BAZ1A: variants seen among roughly 807,000 people sequenced by gnomAD.
The protein encoded by BAZ1A is bromodomain adjacent to zinc finger domain protein 1A.
BAZ1A carries 50 observed loss-of-function variants against 185.2 expected under a neutral mutation model. The ratio of observed to expected loss-of-function variants is 0.27; its 90% CI spans 0.22 to 0.34. BAZ1A has a LOEUF of 0.34. Ranked by LOEUF, BAZ1A falls within the 10% of genes least tolerant of loss-of-function variation. BAZ1A has a pLI of 1.00. For missense variants in BAZ1A, 1,356 were observed against 1,839.9 expected, an observed-to-expected ratio of 0.74 and a Z score of 4.81; for synonymous variants, 571 against 615.6, an observed-to-expected ratio of 0.93 and a Z score of 1.07.
rs1200686565 is a variant in BAZ1A, at chr14:34,753,350, T to C, written c.*158A>G. 1 of 696,066 alleles carries C rather than the reference T, an allele frequency of 1.4e-6. No individual in the cohort carries two copies. Among genetic ancestry groups the C allele is most frequent in the Non-Finnish European group, 2.4e-6 (1 of 423,618 alleles). The allele number at this position is 696,066 out of a possible 1,614,324, so 43.1% of individuals were successfully genotyped here. A position where few individuals can be genotyped will look rare whatever the true frequency, so the allele number is the denominator to read the frequency against. ...AAACTGTAGCAAAGGATATCTTTCCTACATTCTCCTGAGTGCTTAATATTA... is the reference window on the plus strand; with the variant it reads ...AAACTGTAGCAAAGGATATCTTTCCCACATTCTCCTGAGTGCTTAATATTA... On this transcript the variant is annotated 3_prime_UTR_variant, in exon 27 of 27. Coordinates refer to ENST00000360310, the MANE Select transcript of BAZ1A (RefSeq NM_013448.3).
intron 3 of BAZ1A, among the ~76,000 whole-genome samples, chr14:34,850,134 C>T (rs562882231): frequency 1.3e-5 from 2 of 152,096 alleles, no homozygotes; most frequent in East Asian, 3.9e-4. Context: ...AATCCCAGCA[C>T]TTTGGGAGGC....
intron 3 of BAZ1A, among the ~76,000 whole-genome samples, chr14:34,838,533 T>TA (rs1438747589): frequency 6.6e-6 from 1 of 151,886 alleles, no homozygotes; most frequent in Non-Finnish European, 1.5e-5. Context: ...TTTTCTTTTT[T>TA]TTTTTGGAGA....
At chr14:34,758,499 G>C in intron 25 of BAZ1A, 1 of 447,842 alleles carries the variant, frequency 2.2e-6, no homozygotes, top group Non-Finnish European at 4.0e-6. Flanking sequence ...AGAATCGCTT[G>C]AACCTGGGAG....
chr14:34,847,664 TTA>T (rs2138780142), intron 3 of BAZ1A, among the ~76,000 whole-genome samples: 1 of 152,358 alleles, frequency 6.6e-6, no homozygotes, highest in Non-Finnish European at 1.5e-5. Flanking sequence ...CTTGAATCTT[TTA>T]TGTTCATCTT....
chr14:34,755,483 G>A (rs1886200331), intron 25 of BAZ1A, among the ~76,000 whole-genome samples: 1 of 151,966 alleles, frequency 6.6e-6, no homozygotes, highest in East Asian at 1.9e-4. Context: ...TCATTTCTGG[G>A]TGTCTACCGT....
At chr14:34,789,589 A>C (rs1201800028) in intron 12 of BAZ1A, among the ~76,000 whole-genome samples, 1 of 152,194 alleles carries the variant, frequency 6.6e-6, no homozygotes, top group Non-Finnish European at 1.5e-5. Context: ...TGATCCAACA[A>C]ATACACAAAA....
chr14:34,856,726 CG>C (rs1041175417), intron 3 of BAZ1A, among the ~76,000 whole-genome samples: 7 of 151,252 alleles, frequency 4.6e-5, no homozygotes, highest in Non-Finnish European at 1.5e-5. Context: ...GGTGTGGTGG[CG>C]GGCGCCTGTA....
intron 21 of BAZ1A, among the ~76,000 whole-genome samples, chr14:34,769,379 A>G (rs1236864397): frequency 6.6e-6 from 1 of 152,166 alleles, no homozygotes; most frequent in Non-Finnish European, 1.5e-5. Context: ...CCAAAGTAAC[A>G]AACTTTTCTT....
At chr14:34,792,706 T>C in intron 12 of BAZ1A, 69 bp downstream of exon 12, 1 of 1,544,032 alleles carries the variant, frequency 6.5e-7, no homozygotes. Flanking sequence ...TAACTTAAAA[T>C]TGGCCCTCAA....
chr14:34,840,909 T>C (rs2042404812), intron 3 of BAZ1A, among the ~76,000 whole-genome samples: 1 of 152,184 alleles, frequency 6.6e-6, no homozygotes, highest in Non-Finnish European at 1.5e-5. Context: ...TTTTCTTTTG[T>C]TTGTTTAACC....
rs944180795 is a variant in BAZ1A, at chr14:34,843,387, G to A, written c.393-17231C>T. ...TGCACTTTGGGGCTTGCTCTCTCTCGCTGCTGGGATCTTTCTACCATCTTG... is the reference window on the plus strand; with the variant it reads ...TGCACTTTGGGGCTTGCTCTCTCTCACTGCTGGGATCTTTCTACCATCTTG... On this transcript the variant is annotated intron_variant, in intron 3 of 26. Transcript: ENST00000360310. Among the ~76,000 whole-genome samples, 4 of 152,128 alleles carry A rather than the reference G, an allele frequency of 2.6e-5. No homozygotes were observed. In the East Asian group the frequency reaches 5.8e-4, roughly 22 times the overall value.
chr14:34,753,384 A>AAT lies in BAZ1A; in HGVS notation c.*122_*123dup, dbSNP rs1254359930. On this transcript the variant is annotated 3_prime_UTR_variant, in exon 27 of 27. Coordinates refer to ENST00000360310, the MANE Select transcript of BAZ1A (RefSeq NM_013448.3). The stretch of plus-strand genomic sequence containing the variant: ...CTGAGTGCTTAATATTAAAATTGAG[A>AAT]ATATAGTGCAGGCCACACTTTCATG... 2.2e-6 allele frequency: 2 copies of AAT among 904,212 alleles called. No homozygotes were observed. Among genetic ancestry groups the AAT allele is most frequent in the Non-Finnish European group, 3.4e-6 (2 of 595,052 alleles). The allele number at this position is 904,212 out of a possible 1,614,324, so 56.0% of individuals were successfully genotyped here.
chr14:34,843,972 G>A (rs905068636), intron 3 of BAZ1A, among the ~76,000 whole-genome samples: 8 of 151,920 alleles, frequency 5.3e-5, no homozygotes, highest in African/African-American at 1.5e-4. Context: ...TTGGGAGGCC[G>A]AGGCGGGCGG....
chr14:34,853,865 A>G (rs1299070594), intron 3 of BAZ1A, among the ~76,000 whole-genome samples: 1 of 152,194 alleles, frequency 6.6e-6, no homozygotes, highest in Non-Finnish European at 1.5e-5. Context: ...AGATCTGAGT[A>G]CCTATACCAA....
Position 34,805,268 on chromosome 14 carries a change from C to T in BAZ1A, c.726+2183G>A, listed in dbSNP as rs149653903. 2.5e-4 allele frequency among the ~76,000 whole-genome samples: 38 copies of T among 152,326 alleles called. No individual in the cohort carries two copies. In the South Asian group the frequency reaches 3.7e-3, roughly 15 times the overall value. ...ATAGCAGTGTGAGAATGGATTAATACACCAGCATATCCATTAATAATCTTC... is the reference window on the plus strand; with the variant it reads ...ATAGCAGTGTGAGAATGGATTAATATACCAGCATATCCATTAATAATCTTC... On this transcript the variant is annotated intron_variant, in intron 6 of 26. Coordinates refer to ENST00000360310, the MANE Select transcript of BAZ1A (RefSeq NM_013448.3).
At position 34,874,713 on chromosome 14, in the gene BAZ1A, G is replaced by T; in HGVS notation, c.-58-51C>A. 2.3e-6 allele frequency: 2 copies of T among 871,662 alleles called. No homozygotes were observed. Among genetic ancestry groups the T allele is most frequent in the South Asian group, 3.6e-5 (2 of 55,990 alleles). The allele number at this position is 871,662 out of a possible 1,614,324, so 54.0% of individuals were successfully genotyped here. On this transcript the variant is annotated intron_variant, in intron 1 of 26. Transcript: ENST00000360310. The surrounding 1 kb of genome is among the most constrained non-coding windows in gnomAD (Gnocchi z 4.7). ...GCCGGTAAGGTGGGGAGCCCTCGGC[G>T]GCAGCGTGGGCCGGTCCGCGCGCTG...
intron 21 of BAZ1A, among the ~76,000 whole-genome samples, chr14:34,769,730 A>G (rs1879086284): frequency 6.6e-6 from 1 of 152,222 alleles, no homozygotes; most frequent in Non-Finnish European, 1.5e-5. Context: ...AGTATCTTAC[A>G]TTTATAAAAC....
At chr14:34,823,670 A>T (rs1308306421) in intron 4 of BAZ1A, among the ~76,000 whole-genome samples, 2 of 152,148 alleles carry the variant, frequency 1.3e-5, no homozygotes, top group African/African-American at 4.8e-5. Context: ...TCAAAAAAAA[A>T]ATTTTTCAGA....
intron 3 of BAZ1A, among the ~76,000 whole-genome samples, chr14:34,842,965 C>T (rs899814401): frequency 6.0e-5 from 9 of 149,378 alleles, no homozygotes; most frequent in East Asian, 1.9e-4. Context: ...ATTGAATTTA[C>T]GGGAAAAAAA....
Sources: gnomAD v4.1 joint callset for allele counts (sites outside exome capture counted in the v4.1 genomes callset) on GRCh38, gnomAD v4.1.1 for gene constraint, Gnocchi (gnomAD v3.1) non-coding constraint, MANE v1.5 for transcripts, NCBI Gene and HGNC (gene_info 2026-07-23, HGNC 2026-07-21) for gene names.